TGM1: variants seen among roughly 807,000 people sequenced by gnomAD.
TGM1 encodes protein-glutamine gamma-glutamyltransferase K.
TGM1 carries 63 observed loss-of-function variants against 88.7 expected under a neutral mutation model. The ratio of observed to expected loss-of-function variants is 0.71; its 90% CI spans 0.58 to 0.88. The LOEUF (loss-of-function observed/expected upper bound fraction) is 0.88. TGM1 is among the 40% of genes least tolerant of loss of function. The pLI is 0.00. For synonymous variants in TGM1, 415 were observed against 431.1 expected (o/e 0.96, Z 0.46); for missense variants, 996 against 1,118.0 (o/e 0.89, Z 1.56).
In TGM1 at chr14:24,249,143, T is replaced by C; in HGVS notation, c.*170A>G. The stretch of plus-strand genomic sequence containing the variant: ...TTAAAAAACAGTTTATTAGCATCTG[T>C]TCCCCCAGTGCAAGTGAAGACTGAC... On this transcript the variant is annotated 3_prime_UTR_variant, in exon 15 of 15. Coordinates refer to ENST00000206765, the MANE Select transcript of TGM1 (RefSeq NM_000359.3). The C allele has an allele frequency of 1.4e-6, 1 of 698,726 alleles. No individual in the cohort carries two copies. The highest frequency in any genetic ancestry group is 2.1e-5 in the Admixed American group (1 of 47,208). The allele number at this position is 698,726 out of a possible 1,614,324, so 43.3% of individuals were successfully genotyped here. A position where few individuals can be genotyped will look rare whatever the true frequency, so the allele number is the denominator to read the frequency against.
rs778596476 is a variant in TGM1 at position 24,258,582 on chromosome 14, G to C, written c.1251C>G (p.Phe417Leu). The C allele has an allele frequency of 2.5e-6, 4 of 1,614,090 alleles. No individual in the cohort carries two copies. The highest frequency in any genetic ancestry group is 2.7e-5 in the African/African-American group (2 of 74,926). ...TDTSLTMDIYFDENMKPLEHL... is the reference protein window; with the variant it reads ...TDTSLTMDIYLDENMKPLEHL... Reference sequence around the variant, plus strand: ...GCTCCAGGGGCTTCATGTTCTCGTCGAAGTAGATGTCCATGGTAAGGGATG... The same window carrying C: ...GCTCCAGGGGCTTCATGTTCTCGTCCAAGTAGATGTCCATGGTAAGGGATG... Residue 417 changes from phenylalanine to leucine, a missense_variant, in exon 8 of 15, where the codon TTC becomes TTG. Transcript: ENST00000206765.
In TGM1 at chr14:24,259,711, G is replaced by C; in HGVS notation, c.977C>G (p.Ser326Cys). 6.2e-7 allele frequency: 1 copy of C among 1,610,840 alleles called. No individual in the cohort carries two copies. Among genetic ancestry groups the C allele is most frequent in the Non-Finnish European group, 8.5e-7 (1 of 1,178,766 alleles). The change falls in exon 6 of 15, where the codon TCT becomes TGT. Residue 326 changes from serine (S) to cysteine (C), a missense_variant. Ser to Cys is a moderately radical substitution (Grantham distance 112). Transcript: ENST00000206765. This position sits in a 1 kb window ranked among gnomAD's most constrained non-coding sequence, Gnocchi z 5.7. ...AGATGTGAGGGTGCTCACCATGGCA[G>C]AGATGACCCGGGAGACATTGACTGG... ...GDPVNVSRVI[S>C]AMVNSLDDNG...
Position 24,255,182 on chromosome 14 carries a change from G to C in TGM1, c.1717C>G (p.Arg573Gly). 6.2e-7 allele frequency: 1 copy of C among 1,613,976 alleles called. No homozygotes were observed. The highest frequency in any genetic ancestry group is 1.1e-5 in the South Asian group (1 of 91,080). The change falls in exon 12 of 15, where the codon CGG becomes GGG. Residue 573 changes from arginine to glycine, a missense_variant. Transcript: ENST00000206765. The surrounding 1 kb of genome is among the most constrained non-coding windows in gnomAD (Gnocchi z 4.0). ...ATGGCCACATCCTCCGCTGAGCCCC[G>C]GTTGGCATACACATTGGGTTTGCTG... ...HGSKPNVYAN[R>G]GSAEDVAMQV...
At chr14:24,257,530 C>T (rs1292076901) in intron 9 of TGM1, among the ~76,000 whole-genome samples, 3 of 152,146 alleles carry the variant, frequency 2.0e-5, no homozygotes. Context: ...ATATATAACT[C>T]ACAGTGAGCA....
Position 24,259,697 on chromosome 14 carries a change from T to C in TGM1, c.984+7A>G. ...ACAGTAGGACTCAGAGATGTGAGGG[T>C]GCTCACCATGGCAGAGATGACCCGG... On this transcript the variant is annotated splice_region_variant and intron_variant, in intron 6 of 14. Coordinates refer to ENST00000206765, the MANE Select transcript of TGM1 (RefSeq NM_000359.3). This position sits in a 1 kb window ranked among gnomAD's most constrained non-coding sequence, Gnocchi z 5.7. 6.2e-7 allele frequency: 1 copy of C among 1,605,880 alleles called. No individual in the cohort carries two copies. Among genetic ancestry groups the C allele is most frequent in the Non-Finnish European group, 8.5e-7 (1 of 1,175,742 alleles).
At chr14:24,260,083 TG>T in intron 4 of TGM1, 25 bp from the exon 5 acceptor site, 1 of 1,603,350 alleles carries the variant, frequency 6.2e-7, no homozygotes, top group Non-Finnish European at 8.5e-7. Context: ...CACACAAAAC[TG>T]GTTCCCTCCA....
intron 7 of TGM1, 105 bp from the exon 8 acceptor site, chr14:24,258,778 G>A (rs1174132277): frequency 1.3e-6 from 2 of 1,519,018 alleles, no homozygotes; most frequent in Admixed American, 1.9e-5. Context: ...GCCAAGCTGG[G>A]CATAGACTGC....
intron 9 of TGM1, among the ~76,000 whole-genome samples, 158 bp from the exon 10 acceptor site, chr14:24,256,235 C>T (rs1187240583): frequency 2.6e-5 from 4 of 152,236 alleles, no homozygotes; most frequent in Non-Finnish European, 4.4e-5. Context: ...CTGACCCAAA[C>T]ACTTGGGGGT....
At position 24,258,587 on chromosome 14, in the gene TGM1, A is replaced by G. The variant is rs757886765; in HGVS notation, c.1246T>C (p.Tyr416His). ...DTDTSLTMDI[Y>H]FDENMKPLEH... is the part of the protein sequence containing the mutation. ...AGGGGCTTCATGTTCTCGTCGAAGTAGATGTCCATGGTAAGGGATGTGTCT... is the reference window on the plus strand; with the variant it reads ...AGGGGCTTCATGTTCTCGTCGAAGTGGATGTCCATGGTAAGGGATGTGTCT... The change falls in exon 8 of 15, where the codon TAC becomes CAC. Residue 416 changes from tyrosine to histidine, a missense_variant. Transcript: ENST00000206765. 6.2e-7 allele frequency: 1 copy of G among 1,614,206 alleles called. No individual in the cohort carries two copies. Among genetic ancestry groups the G allele is most frequent in the South Asian group, 1.1e-5 (1 of 91,082 alleles).
Position 24,259,624 on chromosome 14 carries a change from G to C in TGM1, c.984+80C>G. 1 of 1,240,364 alleles carries C rather than the reference G, an allele frequency of 8.1e-7. No homozygotes were observed. Among genetic ancestry groups the C allele is most frequent in the South Asian group, 1.3e-5 (1 of 78,776 alleles). 76.8% of individuals were successfully genotyped at this position (1,240,364 alleles called of 1,614,324 possible). A position where few individuals can be genotyped will look rare whatever the true frequency, so the allele number is the denominator to read the frequency against. Reference sequence around the variant, plus strand: ...GGGCTGGGGGTTCTTGAGGAATCCAGAAAGGGCAGGAGGAGGGTGGGGGTG... The same window carrying C: ...GGGCTGGGGGTTCTTGAGGAATCCACAAAGGGCAGGAGGAGGGTGGGGGTG... On this transcript the variant is annotated intron_variant, in intron 6 of 14. Transcript: ENST00000206765. This position sits in a 1 kb window ranked among gnomAD's most constrained non-coding sequence, Gnocchi z 5.7.
Position 24,249,387 on chromosome 14 carries a change from C to T in TGM1, c.2380G>A (p.Gly794Ser), listed in dbSNP as rs773210753. 1 of 1,614,092 alleles carries T rather than the reference C, an allele frequency of 6.2e-7. No homozygotes were observed. Among genetic ancestry groups the T allele is most frequent in the South Asian group, 1.1e-5 (1 of 91,078 alleles). Residue 794 changes from glycine (G) to serine (S), a missense_variant, in exon 15 of 15, where the codon GGC becomes AGC. Gly to Ser is a moderately conservative substitution (Grantham distance 56, BLOSUM62 0). Transcript: ENST00000206765. ...VDVAPAPGDG[G>S]FFSDAGGDSH... ...TCACCTCCAGCGTCTGAGAAGAAGC[C>T]CCCATCCCCAGGGGCTGGGGCCACA... is the stretch of plus-strand genomic sequence containing the variant.
At chr14:24,257,124 T>C (rs1317053519) in intron 9 of TGM1, among the ~76,000 whole-genome samples, 1 of 152,192 alleles carries the variant, frequency 6.6e-6, no homozygotes, top group Non-Finnish European at 1.5e-5. Flanking sequence ...TGCCAGCGTC[T>C]GGGACAGGCT....
chr14:24,260,736 C>A (rs1483626087), intron 3 of TGM1, 38 bp from the exon 4 acceptor site: 1 of 1,613,788 alleles, frequency 6.2e-7, no homozygotes, highest in Admixed American at 1.7e-5. Context: ...GCAAGGCCTC[C>A]CTGAGGAGAG....
chr14:24,258,158 C>G (rs888652049), intron 9 of TGM1, 127 bp downstream of exon 9: 1 of 681,980 alleles, frequency 1.5e-6, no homozygotes, highest in Admixed American at 2.6e-5. Context: ...CTGACAAACC[C>G]GTTTAAGAAG....
In TGM1 at chr14:24,260,894, A is replaced by C. The variant is rs7151201; in HGVS notation, c.509-196T>G. On this transcript the variant is annotated intron_variant, in intron 3 of 14. Transcript: ENST00000206765. ...CCAATGCTTGCCCACATGTTAGGGC[A>C]GTGCCGCAGTCCAACATCCCAAACC... 0.15 allele frequency among the ~76,000 whole-genome samples: 23,478 copies of C among 152,234 alleles called. 1,926 individuals carry two copies. The highest frequency in any genetic ancestry group is 0.19 in the Non-Finnish European group (13,110 of 67,996).
At chr14:24,258,948 C>T in intron 7 of TGM1, 127 bp downstream of exon 7, 1 of 1,112,544 alleles carries the variant, frequency 9.0e-7, no homozygotes, top group South Asian at 1.4e-5. Context: ...ATAATTAAGG[C>T]CAGCCTATTA....
intron 4 of TGM1, 160 bp from the exon 5 acceptor site, chr14:24,260,218 T>C (rs755560356): frequency 4.8e-5 from 45 of 932,354 alleles, no homozygotes; most frequent in Non-Finnish European, 6.9e-5. Flanking sequence ...GCATGACAGA[T>C]GGTGGAGGAG....
At chr14:24,249,632 G>A (rs1255158322) in intron 14 of TGM1, 91 bp from the exon 15 acceptor site, 1 of 1,139,666 alleles carries the variant, frequency 8.8e-7, no homozygotes, top group Non-Finnish European at 1.3e-6. Flanking sequence ...GGAAGAAGCA[G>A]GAGGTGGACC....
chr14:24,261,612 C>A (rs1400851595), intron 3 of TGM1, 83 bp downstream of exon 3: 54 of 1,538,194 alleles, frequency 3.5e-5, no homozygotes, highest in Non-Finnish European at 4.8e-5. Context: ...CAGGGAGGAG[C>A]CTAAAGACCT....
Sources: gnomAD v4.1 joint callset for allele counts (sites outside exome capture counted in the v4.1 genomes callset) on GRCh38, gnomAD v4.1.1 for gene constraint, Gnocchi (gnomAD v3.1) non-coding constraint, MANE v1.5 for transcripts, NCBI Gene and HGNC (gene_info 2026-07-23, HGNC 2026-07-21) for gene names.